Variants in RGS7 observed in about 807,000 individuals in gnomAD.
The protein encoded by RGS7 is regulator of G protein signaling 7, also known as regulator of G-protein signaling 7.
Under a neutral mutation model 81.1 loss-of-function variants are expected in RGS7, and 27 were observed. The observed-to-expected ratio is 0.33, with a 90% CI of 0.25 to 0.46. The LOEUF is 0.46. Ranked by LOEUF, RGS7 falls within the 20% of genes least tolerant of loss-of-function variation. The pLI, the probability that RGS7 is intolerant of heterozygous loss-of-function variation, is 1.00. For missense variants in RGS7, 396 were observed against 607.4 expected, an observed-to-expected ratio of 0.65 and a Z score of 3.66; for synonymous variants, 208 against 207.7, an observed-to-expected ratio of 1.00 and a Z score of -0.01.
intron 18 of RGS7, among the ~76,000 whole-genome samples, chr1:240,785,451 C>A (rs546175799): frequency 2.6e-5 from 4 of 152,180 alleles, no homozygotes; most frequent in African/African-American, 9.7e-5. Context: ...TGCCTTCTTA[C>A]GTGATTTTGT....
At chr1:241,097,907 G>T (rs1412065198) in intron 3 of RGS7, among the ~76,000 whole-genome samples, 1 of 152,024 alleles carries the variant, frequency 6.6e-6, no homozygotes, top group East Asian at 1.9e-4. Flanking sequence ...AATCCATTGG[G>T]CTATGTCTTT....
intron 2 of RGS7, among the ~76,000 whole-genome samples, chr1:241,104,268 C>A (rs1160275138): frequency 6.6e-6 from 1 of 152,046 alleles, no homozygotes; most frequent in African/African-American, 2.4e-5. Flanking sequence ...ATAATTCAGC[C>A]GGCAAAGATG....
At chr1:241,132,855 T>C (rs898988297) in intron 2 of RGS7, among the ~76,000 whole-genome samples, 1 of 152,122 alleles carries the variant, frequency 6.6e-6, no homozygotes, top group South Asian at 2.1e-4. Flanking sequence ...CTCTGCCTCC[T>C]GGGTTCACGC....
At chr1:240,970,249 G>A (rs1682981753) in intron 4 of RGS7, among the ~76,000 whole-genome samples, 1 of 152,188 alleles carries the variant, frequency 6.6e-6, no homozygotes, top group South Asian at 2.1e-4. Context: ...TTATCAACGG[G>A]AAAGATGGTC....
rs561088896 is a variant in RGS7, at chr1:241,233,515, C to T, written c.78+122184G>A. Among the ~76,000 whole-genome samples, 26 of 152,260 alleles carry T rather than the reference C, an allele frequency of 1.7e-4. 1 individual carries two copies. Among genetic ancestry groups the T allele is most frequent in the Middle Eastern group, 6.8e-3 (2 of 294 alleles). ...TGTCTTTCTGTGCCTGACTCACTTCCCTTAACATAATGACCTCTAGTTCTA... is the reference window on the plus strand; with the variant it reads ...TGTCTTTCTGTGCCTGACTCACTTCTCTTAACATAATGACCTCTAGTTCTA... On this transcript the variant is annotated intron_variant, in intron 2 of 18. Transcript: ENST00000440928.
chr1:240,972,702 A>C (rs1453510254), intron 4 of RGS7, among the ~76,000 whole-genome samples: 4 of 37,134 alleles, frequency 1.1e-4, no homozygotes, highest in Admixed American at 6.2e-4. Context: ...ATAATAAAAA[A>C]AAAAAAAACA....
chr1:241,121,889 G>T (rs986004405), intron 2 of RGS7, among the ~76,000 whole-genome samples: 4 of 151,664 alleles, frequency 2.6e-5, no homozygotes, highest in African/African-American at 7.3e-5. Context: ...TAAATTTTTT[G>T]TAGAGATGAG....
At chr1:241,002,637 C>G (rs1440408883) in intron 3 of RGS7, among the ~76,000 whole-genome samples, 1 of 152,116 alleles carries the variant, frequency 6.6e-6, no homozygotes. Context: ...TTCATGAGAG[C>G]AGTGATTTTA....
At chr1:240,909,449 T>G (rs1671366835) in intron 6 of RGS7, among the ~76,000 whole-genome samples, 1 of 152,198 alleles carries the variant, frequency 6.6e-6, no homozygotes, top group East Asian at 1.9e-4. Context: ...TTTATTATTA[T>G]CGCTAAGTTA....
intron 2 of RGS7, among the ~76,000 whole-genome samples, chr1:241,267,410 C>T (rs770294206): frequency 1.6e-4 from 24 of 152,198 alleles, no homozygotes; most frequent in Non-Finnish European, 3.4e-4. Context: ...ATTTCCAGTG[C>T]TTTGTTTGGA....
intron 13 of RGS7, among the ~76,000 whole-genome samples, chr1:240,813,115 A>G (rs372836095): frequency 1.3e-5 from 2 of 152,322 alleles, no homozygotes; most frequent in South Asian, 4.1e-4. Context: ...TAGATAGCTC[A>G]TGAAAGAAAC....
intron 3 of RGS7, among the ~76,000 whole-genome samples, chr1:240,993,094 G>GGAAGGAGA (rs1558568566): frequency 9.6e-5 from 1 of 10,422 alleles, no homozygotes; most frequent in Admixed American, 8.8e-4. Flanking sequence ...AAGGAAGGAA[G>GGAAGGAGA]GAGGGAGGGA....
At chr1:241,083,355 T>C (rs1423858334) in intron 3 of RGS7, among the ~76,000 whole-genome samples, 1 of 152,000 alleles carries the variant, frequency 6.6e-6, no homozygotes, top group Non-Finnish European at 1.5e-5. Flanking sequence ...CATTCTTTAC[T>C]ATTTCTAACC....
At chr1:240,905,925 G>T (rs973655219) in intron 6 of RGS7, among the ~76,000 whole-genome samples, 1 of 152,104 alleles carries the variant, frequency 6.6e-6, no homozygotes, top group Non-Finnish European at 1.5e-5. Context: ...TTAAAAATTG[G>T]TCATGTCAGT....
chr1:241,275,264 A>G (rs1206145071), intron 2 of RGS7, among the ~76,000 whole-genome samples: 1 of 152,226 alleles, frequency 6.6e-6, no homozygotes, highest in African/African-American at 2.4e-5. Context: ...CTTTGACCTG[A>G]GGCTGATAAA....
At chr1:240,841,278 G>A (rs1657938586) in intron 9 of RGS7, among the ~76,000 whole-genome samples, 1 of 152,246 alleles carries the variant, frequency 6.6e-6, no homozygotes, top group Admixed American at 6.5e-5. Flanking sequence ...AATAGAGCAG[G>A]CCTCTCTGTC....
chr1:240,966,953 G>A (rs1307359636), intron 4 of RGS7, among the ~76,000 whole-genome samples: 1 of 152,152 alleles, frequency 6.6e-6, no homozygotes, highest in Non-Finnish European at 1.5e-5. Flanking sequence ...CCCAACATGT[G>A]TGAAACACTA....
chr1:241,319,199 G>T (rs971475795), intron 2 of RGS7, among the ~76,000 whole-genome samples: 7 of 151,960 alleles, frequency 4.6e-5, no homozygotes, highest in Non-Finnish European at 7.4e-5. Flanking sequence ...ATCTTCATGG[G>T]GTGTCAATAA....
chr1:241,243,582 G>A (rs374434075), intron 2 of RGS7, among the ~76,000 whole-genome samples: 2 of 152,172 alleles, frequency 1.3e-5, no homozygotes, highest in South Asian at 2.1e-4. Flanking sequence ...GGAAAGAGAT[G>A]GATCAAAGAA....
Sources: gnomAD v4.1 joint callset for allele counts (sites outside exome capture counted in the v4.1 genomes callset) on GRCh38, gnomAD v4.1.1 for gene constraint, MANE v1.5 for transcripts, NCBI Gene and HGNC (gene_info 2026-07-23, HGNC 2026-07-21) for gene names.